The following ARID3B variants were observed in gnomAD, a reference collection of about 807,000 sequenced individuals.
ARID3B encodes AT-rich interaction domain 3B, also known as AT-rich interactive domain-containing protein 3B.
ARID3B carries 10 observed loss-of-function variants against 51.9 expected under a neutral mutation model. That is an observed-to-expected ratio of 0.19 (90% CI 0.12 to 0.33). ARID3B has a LOEUF of 0.33. Ranked by LOEUF, ARID3B falls within the 10% of genes least tolerant of loss-of-function variation. The pLI is 1.00. For synonymous variants in ARID3B, 205 were observed against 279.5 expected (o/e 0.73, Z 2.66); for missense variants, 483 against 716.3 (o/e 0.67, Z 3.72).
chr15:74,556,099 C>A (rs1303831329), intron 2 of ARID3B, among the ~76,000 whole-genome samples: 1 of 152,080 alleles, frequency 6.6e-6, no homozygotes, highest in African/African-American at 2.4e-5. Context: ...GCTATCTGGG[C>A]TTTCAACATG....
chr15:74,593,604 C>T (rs1314931938), intron 8 of ARID3B, among the ~76,000 whole-genome samples: 1 of 133,486 alleles, frequency 7.5e-6, no homozygotes, highest in Admixed American at 1.1e-4. Flanking sequence ...GCAAAGGAAC[C>T]CCAGTATAGG....
chr15:74,593,534 G>C (rs997682505), intron 8 of ARID3B, among the ~76,000 whole-genome samples: 2 of 152,218 alleles, frequency 1.3e-5, no homozygotes, highest in African/African-American at 4.8e-5. Context: ...GTCTTCTCAT[G>C]CACAGCCTTT....
At chr15:74,573,044 A>T (rs2061724742) in intron 3 of ARID3B, 88 bp from the exon 4 acceptor site, 1 of 1,587,596 alleles carries the variant, frequency 6.3e-7, no homozygotes, top group African/African-American at 1.3e-5. Context: ...ATTTGTAGTG[A>T]TTCAGATGGT....
At chr15:74,573,387 G>T in intron 4 of ARID3B, 183 bp downstream of exon 4, 1 of 645,488 alleles carries the variant, frequency 1.5e-6, no homozygotes, top group Non-Finnish European at 2.7e-6. Context: ...GACAGAGAAG[G>T]TGTTGGCACA....
Position 74,578,169 on chromosome 15 carries a change from G to GT in ARID3B, c.697+4974dup, listed in dbSNP as rs60825645. Among the ~76,000 whole-genome samples the GT allele has an allele frequency of 1.4e-3, 202 of 139,362 alleles. No individual in the cohort carries two copies. In the East Asian group the frequency reaches 0.027, roughly 19 times the overall value. The allele number at this position is 139,362 out of a possible 152,430, so 91.4% of individuals were successfully genotyped here. A position where few individuals can be genotyped will look rare whatever the true frequency, so the allele number is the denominator to read the frequency against. ...ACCGCACCTGGCCTGTCTTTTTTTT[G>GT]TTTTTTTTTGTTTTTTTTGTTTTAA... On this transcript the variant is annotated intron_variant, in intron 4 of 8. Transcript: ENST00000346246.
chr15:74,578,365 G>A (rs1220987055), intron 4 of ARID3B, among the ~76,000 whole-genome samples: 1 of 146,392 alleles, frequency 6.8e-6, no homozygotes, highest in Non-Finnish European at 1.5e-5. Flanking sequence ...AGTAGAGACA[G>A]GATTTCACCA....
intron 2 of ARID3B, among the ~76,000 whole-genome samples, chr15:74,549,455 A>G (rs1461683755): frequency 4.2e-3 from 1 of 240 alleles, no homozygotes; most frequent in Non-Finnish European, 9.8e-3. Context: ...AGTCCCAACT[A>G]CTTCGGCAGG....
At chr15:74,593,308 T>G (rs1596265928) in intron 8 of ARID3B, 72 bp downstream of exon 8, 2 of 1,401,888 alleles carry the variant, frequency 1.4e-6, no homozygotes, top group African/African-American at 2.8e-5. Flanking sequence ...CGGCTGGCCC[T>G]GCCTCTTACC....
rs932720366 is a variant in ARID3B at position 74,583,375 on chromosome 15, A to G, written c.698-6445A>G. 4.6e-5 allele frequency among the ~76,000 whole-genome samples: 7 copies of G among 152,018 alleles called. No homozygotes were observed. The East Asian group carries it at 1.3e-3, about 29-fold the overall frequency. ...CAGAGTGGGTAGGGTGGAGGGATGG[A>G]TATTGATTGGAAAGAGGCATGAGAG... On this transcript the variant is annotated intron_variant, in intron 4 of 8. Transcript: ENST00000346246.
At chr15:74,584,465 C>T (rs916534256) in intron 4 of ARID3B, among the ~76,000 whole-genome samples, 4 of 152,228 alleles carry the variant, frequency 2.6e-5, no homozygotes, top group African/African-American at 7.2e-5. Context: ...CAGCAAGGGT[C>T]CCTGGCAGGG....
chr15:74,587,825 C>G (rs547507580), intron 4 of ARID3B, among the ~76,000 whole-genome samples: 242 of 152,270 alleles, frequency 1.6e-3, no homozygotes, highest in Non-Finnish European at 2.8e-3. Flanking sequence ...TGCCCGTAAT[C>G]CTCTGTTATT....
chr15:74,588,685 C>T (rs1034334437), intron 4 of ARID3B, among the ~76,000 whole-genome samples: 119 of 152,280 alleles, frequency 7.8e-4, no homozygotes, highest in African/African-American at 2.6e-3. Flanking sequence ...ATGAGCATCC[C>T]AGCCGGCTGT....
At chr15:74,594,227 T>A (rs2061815053) in intron 8 of ARID3B, among the ~76,000 whole-genome samples, 1 of 152,024 alleles carries the variant, frequency 6.6e-6, no homozygotes, top group Admixed American at 6.5e-5. Flanking sequence ...GGCGGGTGGA[T>A]CACGAAGTCA....
intron 4 of ARID3B, 31 bp downstream of exon 4, chr15:74,573,235 C>CAT: frequency 1.3e-6 from 2 of 1,599,702 alleles, no homozygotes; most frequent in African/African-American, 2.7e-5. Context: ...CATTCCAATT[C>CAT]AGGGAATACT....
chr15:74,586,606 C>T (rs1230470176), intron 4 of ARID3B, among the ~76,000 whole-genome samples: 4 of 152,220 alleles, frequency 2.6e-5, no homozygotes, highest in Non-Finnish European at 4.4e-5. Context: ...GCGTGGCTCA[C>T]GCCTGTCATC....
intron 2 of ARID3B, among the ~76,000 whole-genome samples, chr15:74,551,028 C>G (rs562599062): frequency 2.8e-4 from 43 of 152,302 alleles, no homozygotes; most frequent in Middle Eastern, 3.4e-3. Flanking sequence ...TACTCAAGTC[C>G]TGCAGTCAGC....
chr15:74,560,924 C>T (rs16953859), intron 2 of ARID3B, among the ~76,000 whole-genome samples: 2,306 of 152,252 alleles, frequency 0.015, 67 homozygotes, highest in African/African-American at 0.054. Context: ...GCTTTGCTAC[C>T]GGTGATATAT....
chr15:74,552,056 C>CTTTTTTTTTTTTTTTTTTTTTTTT (rs869096001), intron 2 of ARID3B, among the ~76,000 whole-genome samples: 5 of 102,632 alleles, frequency 4.9e-5, no homozygotes, highest in African/African-American at 2.0e-4. Context: ...TCTTTCTTTC[C>CTTTTTTTTTTTTTTTTTTTTTTTT]TTTTTTTTTT....
chr15:74,555,040 T>C (rs1434915838), intron 2 of ARID3B, among the ~76,000 whole-genome samples: 1 of 152,218 alleles, frequency 6.6e-6, no homozygotes, highest in African/African-American at 2.4e-5. Context: ...GTGATGGAGA[T>C]GCTAATTACC....
Sources: allele counts gnomAD v4.1 joint callset (sites outside exome capture counted in the v4.1 genomes callset), GRCh38; gene constraint gnomAD v4.1.1; transcripts MANE v1.5; gene names NCBI Gene and HGNC (gene_info 2026-07-23, HGNC 2026-07-21).